Variants in ALOX5AP observed in about 807,000 individuals in gnomAD.
ALOX5AP encodes the protein arachidonate 5-lipoxygenase activating protein, also known as arachidonate 5-lipoxygenase-activating protein.
Under a neutral mutation model 18.5 loss-of-function variants are expected in ALOX5AP, and 9 were observed. That is an observed-to-expected ratio of 0.49 (90% CI 0.29 to 0.85). The LOEUF (loss-of-function observed/expected upper bound fraction) is 0.85. Ranked by LOEUF, ALOX5AP falls within the 40% of genes least tolerant of loss-of-function variation. ALOX5AP has a pLI of 0.08. For missense variants in ALOX5AP, 172 were observed against 202.5 expected (o/e 0.85, Z 0.91); for synonymous variants, 81 against 78.6 (o/e 1.03, Z -0.16).
chr13:30,734,912 CT>C (rs1467077704), upstream of ALOX5AP, among the ~76,000 whole-genome samples: 1 of 152,142 alleles, frequency 6.6e-6, no homozygotes, highest in African/African-American at 2.4e-5. Flanking sequence ...TAAGTGTTCA[CT>C]TTTTTTCTTG....
intron 1 of ALOX5AP, among the ~76,000 whole-genome samples, chr13:30,714,850 A>G (rs1027367339): frequency 1.3e-5 from 2 of 152,174 alleles, no homozygotes; most frequent in African/African-American, 4.8e-5. Context: ...AGGGCTTGCC[A>G]CAGTGTTCAT....
chr13:30,717,077 C>T (rs910790886), intron 1 of ALOX5AP, among the ~76,000 whole-genome samples: 2 of 152,194 alleles, frequency 1.3e-5, no homozygotes, highest in African/African-American at 4.8e-5. Context: ...TTCCCAGACT[C>T]TCCACCGCTA....
intron 1 of ALOX5AP, among the ~76,000 whole-genome samples, chr13:30,729,601 G>A (rs1489763003): frequency 1.4e-5 from 2 of 139,546 alleles, no homozygotes; most frequent in Non-Finnish European, 1.6e-5. Context: ...TTTTTAGATG[G>A]GGTCTCGCTC....
intron 1 of ALOX5AP, among the ~76,000 whole-genome samples, chr13:30,740,774 G>A (rs1490103731): frequency 6.6e-6 from 1 of 152,150 alleles, no homozygotes; most frequent in African/African-American, 2.4e-5. Flanking sequence ...TAAAGATTCT[G>A]GAAGTGGGAG....
intron 1 of ALOX5AP, among the ~76,000 whole-genome samples, chr13:30,724,207 G>A (rs1213817122): frequency 6.6e-6 from 1 of 152,100 alleles, no homozygotes; most frequent in Non-Finnish European, 1.5e-5. Context: ...TTACTCTTTT[G>A]TGTCTGTCTT....
chr13:30,718,382 C>CATATATGT (rs1951566241), intron 1 of ALOX5AP, among the ~76,000 whole-genome samples: 1 of 139,678 alleles, frequency 7.2e-6, no homozygotes, highest in Non-Finnish European at 1.5e-5. Context: ...CACAGATATG[C>CATATATGT]ATATATATAT....
chr13:30,734,100 A>G (rs1951702511), upstream of ALOX5AP, among the ~76,000 whole-genome samples: 1 of 152,158 alleles, frequency 6.6e-6, no homozygotes, highest in Non-Finnish European at 1.5e-5. Context: ...TGCAATATAT[A>G]TATATGAGGA....
chr13:30,723,119 A>G (rs1052943902), intron 1 of ALOX5AP, among the ~76,000 whole-genome samples: 10 of 152,352 alleles, frequency 6.6e-5, no homozygotes, highest in Admixed American at 2.0e-4. Flanking sequence ...TCACTCCTGT[A>G]ACAAATTACT....
intron 4 of ALOX5AP, among the ~76,000 whole-genome samples, chr13:30,760,451 C>T (rs914786412): frequency 2.6e-5 from 4 of 152,208 alleles, no homozygotes; most frequent in African/African-American, 9.7e-5. Context: ...CACTACGGCG[C>T]CTCATCCTAG....
chr13:30,752,980 C>T (rs1951864277), intron 3 of ALOX5AP, among the ~76,000 whole-genome samples: 1 of 152,186 alleles, frequency 6.6e-6, no homozygotes, highest in African/African-American at 2.4e-5. Context: ...TCACAAAGAT[C>T]CTCTTACTTT....
chr13:30,749,505 C>T (rs1951835208), intron 2 of ALOX5AP, among the ~76,000 whole-genome samples: 1 of 152,212 alleles, frequency 6.6e-6, no homozygotes, highest in Non-Finnish European at 1.5e-5. Context: ...CCTGAGGCTG[C>T]AATTTTGTGC....
intron 1 of ALOX5AP, among the ~76,000 whole-genome samples, chr13:30,723,904 AT>A (rs1315312449): frequency 6.6e-6 from 1 of 152,110 alleles, no homozygotes; most frequent in Non-Finnish European, 1.5e-5. Flanking sequence ...TCAGCTAAAC[AT>A]TTTTTTGAAA....
chr13:30,754,728 A>C (rs1206331169), intron 3 of ALOX5AP, among the ~76,000 whole-genome samples: 1 of 152,184 alleles, frequency 6.6e-6, no homozygotes, highest in Admixed American at 6.5e-5. Flanking sequence ...TCATTTGACA[A>C]ATATTATTTT....
intron 2 of ALOX5AP, among the ~76,000 whole-genome samples, chr13:30,749,131 C>T (rs1399962449): frequency 6.6e-6 from 1 of 152,212 alleles, no homozygotes; most frequent in African/African-American, 2.4e-5. Context: ...TTTCATTCAA[C>T]TCCAGGCTGA....
intron 1 of ALOX5AP, among the ~76,000 whole-genome samples, chr13:30,718,237 G>A (rs1347599386): frequency 6.6e-6 from 1 of 151,926 alleles, no homozygotes; most frequent in African/African-American, 2.4e-5. Flanking sequence ...GGGATCACAG[G>A]TGTGAGCCAC....
intron 4 of ALOX5AP, among the ~76,000 whole-genome samples, chr13:30,763,424 G>A (rs1353867733): frequency 6.6e-6 from 1 of 152,350 alleles, no homozygotes; most frequent in Non-Finnish European, 1.5e-5. Context: ...ATGTAGATAT[G>A]AATTATTCCA....
chr13:30,715,202 T>C (rs1048745319), intron 1 of ALOX5AP, among the ~76,000 whole-genome samples: 1 of 152,122 alleles, frequency 6.6e-6, no homozygotes, highest in Non-Finnish European at 1.5e-5. Context: ...TATGGCCAAG[T>C]TCCTGGGGCT....
chr13:30,752,636 G>A (rs1303586757), intron 3 of ALOX5AP, among the ~76,000 whole-genome samples: 2 of 152,206 alleles, frequency 1.3e-5, no homozygotes, highest in African/African-American at 4.8e-5. Context: ...TTCCAGAGTT[G>A]ATTTAACATT....
chr13:30,725,621 T>C (rs1265867888), intron 1 of ALOX5AP, among the ~76,000 whole-genome samples: 1 of 152,248 alleles, frequency 6.6e-6, no homozygotes, highest in Non-Finnish European at 1.5e-5. Context: ...ACCATTTCCA[T>C]CATGGAAGGG....
Sources: allele counts gnomAD v4.1 joint callset (sites outside exome capture counted in the v4.1 genomes callset), GRCh38; gene constraint gnomAD v4.1.1; transcripts MANE v1.5; gene names NCBI Gene and HGNC (gene_info 2026-07-23, HGNC 2026-07-21).